The following SNTG1 variants were observed in gnomAD, a reference collection of about 807,000 sequenced individuals.
SNTG1 encodes the protein gamma-1-syntrophin.
SNTG1 carries 39 observed loss-of-function variants against 74.7 expected under a neutral mutation model. The ratio of observed to expected loss-of-function variants is 0.52; its 90% CI spans 0.40 to 0.68. The LOEUF (loss-of-function observed/expected upper bound fraction) is 0.68. Among genes scored for constraint, SNTG1 ranks in the 30% least tolerant of loss-of-function variants. The probability of loss-of-function intolerance (pLI) is 0.00; values close to 1 mark genes in which losing one functional copy is unlikely to be tolerated. For missense variants in SNTG1, 685 were observed against 609.5 expected (o/e 1.12, Z -1.30); for synonymous variants, 254 against 217.1 (o/e 1.17, Z -1.49).
At chr8:50,398,896 C>T (rs2092764723) in intron 3 of SNTG1, among the ~76,000 whole-genome samples, 1 of 152,168 alleles carries the variant, frequency 6.6e-6, no homozygotes, top group Non-Finnish European at 1.5e-5. Context: ...CTCCACTGCA[C>T]TCCAGCCTGG....
chr8:50,581,605 T>G (rs1489895713), intron 12 of SNTG1, among the ~76,000 whole-genome samples: 2 of 152,244 alleles, frequency 1.3e-5, no homozygotes, highest in South Asian at 4.2e-4. Context: ...CTAAAAAAAA[T>G]TAGAGATTAG....
intron 1 of SNTG1, among the ~76,000 whole-genome samples, chr8:50,157,038 C>T (rs540834263): frequency 6.6e-6 from 1 of 151,916 alleles, no homozygotes; most frequent in African/African-American, 2.4e-5. Context: ...AATAGATAAG[C>T]AAATGGTTTT....
chr8:50,310,216 T>C (rs1253111942), intron 2 of SNTG1, among the ~76,000 whole-genome samples: 1 of 152,218 alleles, frequency 6.6e-6, no homozygotes, highest in Non-Finnish European at 1.5e-5. Flanking sequence ...TCAAACTTGT[T>C]ACCTGGATTA....
Position 50,119,109 on chromosome 8 carries a change from C to T in SNTG1, c.-102-53452C>T, listed in dbSNP as rs924655093. Among the ~76,000 whole-genome samples the T allele has an allele frequency of 1.4e-5, 2 of 141,520 alleles. 1 individual carries two copies. The highest frequency in any genetic ancestry group is 3.1e-5 in the Non-Finnish European group (2 of 63,670). 92.8% of individuals were successfully genotyped at this position (141,520 alleles called of 152,430 possible). ...AAACAAACAAACAAACAAAACACCT[C>T]TGGAAGTAATTTTATGTTAACTATT... On this transcript the variant is annotated intron_variant, in intron 1 of 18. Coordinates refer to ENST00000642720, the MANE Select transcript of SNTG1 (RefSeq NM_018967.5).
At chr8:50,388,669 G>A (rs1446728955) in intron 2 of SNTG1, among the ~76,000 whole-genome samples, 1 of 152,142 alleles carries the variant, frequency 6.6e-6, no homozygotes, top group Non-Finnish European at 1.5e-5. Context: ...AGAAGCTGAT[G>A]ATGCAGTCTG....
chr8:50,571,638 C>T (rs2094549555), intron 12 of SNTG1, among the ~76,000 whole-genome samples: 1 of 152,186 alleles, frequency 6.6e-6, no homozygotes, highest in African/African-American at 2.4e-5. Flanking sequence ...AATATCTTCC[C>T]TAATCAATTG....
intron 2 of SNTG1, among the ~76,000 whole-genome samples, chr8:50,327,644 A>G (rs1271229348): frequency 6.6e-6 from 1 of 152,174 alleles, no homozygotes; most frequent in Non-Finnish European, 1.5e-5. Context: ...TGTTTAGACC[A>G]TTGACATTAT....
At chr8:50,346,926 A>C (rs1191895078) in intron 2 of SNTG1, among the ~76,000 whole-genome samples, 1 of 152,254 alleles carries the variant, frequency 6.6e-6, no homozygotes, top group Non-Finnish European at 1.5e-5. Flanking sequence ...GCTGGTCATG[A>C]GGTTTAAGGA....
At position 49,947,311 on chromosome 8, in the gene SNTG1, A is replaced by G. The variant is rs573404769; in HGVS notation, c.-103+35080A>G. ...GCAAAACTCCGTCTCAAAAAAAAAG[A>G]GTAATTTCTGTCCTCAATCCGTTTA... On this transcript the variant is annotated intron_variant, in intron 1 of 18. Transcript: ENST00000642720. Among the ~76,000 whole-genome samples the G allele has an allele frequency of 2.6e-5, 4 of 152,296 alleles. No homozygotes were observed. In the South Asian group the frequency reaches 8.3e-4, roughly 32 times the overall value.
intron 2 of SNTG1, among the ~76,000 whole-genome samples, chr8:50,299,824 G>A (rs1272419972): frequency 6.6e-6 from 1 of 152,018 alleles, no homozygotes; most frequent in Non-Finnish European, 1.5e-5. Context: ...GACAGAATAG[G>A]CCTATGGAGT....
chr8:50,725,755 C>T (rs907398454), intron 17 of SNTG1, among the ~76,000 whole-genome samples: 2 of 152,304 alleles, frequency 1.3e-5, no homozygotes, highest in African/African-American at 4.8e-5. Context: ...CCTTTAGCAC[C>T]TCATATCCAG....
intron 8 of SNTG1, chr8:50,458,148 A>G (rs1298338289): frequency 1.3e-5 from 2 of 152,064 alleles, no homozygotes; most frequent in East Asian, 1.9e-4. Context: ...ATACCAAAGG[A>G]TCATTAAGAT....
chr8:50,744,337 T>A (rs575727217), intron 17 of SNTG1, among the ~76,000 whole-genome samples: 1 of 152,004 alleles, frequency 6.6e-6, no homozygotes, highest in South Asian at 2.1e-4. Flanking sequence ...TTATTTACAA[T>A]AACATAAAGA....
At chr8:49,952,829 C>T (rs1809840881) in intron 1 of SNTG1, among the ~76,000 whole-genome samples, 1 of 152,072 alleles carries the variant, frequency 6.6e-6, no homozygotes, top group African/African-American at 2.4e-5. Context: ...AAGAAGAAAC[C>T]AAGGTGGACC....
At chr8:50,272,443 A>G (rs1281662380) in intron 2 of SNTG1, among the ~76,000 whole-genome samples, 1 of 152,220 alleles carries the variant, frequency 6.6e-6, no homozygotes, top group East Asian at 1.9e-4. Flanking sequence ...AGGTGTGCAC[A>G]GAACTTTGTG....
intron 1 of SNTG1, among the ~76,000 whole-genome samples, chr8:49,988,101 T>C (rs761639700): frequency 6.6e-5 from 10 of 152,052 alleles, no homozygotes; most frequent in Admixed American, 2.6e-4. Context: ...CACCAGAGAC[T>C]GTACATGGCA....
At chr8:50,424,641 G>A (rs1204134310) in intron 4 of SNTG1, among the ~76,000 whole-genome samples, 1 of 152,196 alleles carries the variant, frequency 6.6e-6, no homozygotes, top group African/African-American at 2.4e-5. Context: ...ATGGGAACAG[G>A]AGGATGTATG....
At chr8:50,486,203 G>C (rs1427802227) in intron 8 of SNTG1, among the ~76,000 whole-genome samples, 1 of 150,428 alleles carries the variant, frequency 6.6e-6, no homozygotes, top group Non-Finnish European at 1.5e-5. Flanking sequence ...TTGGTAGCTT[G>C]ATGGGGATGG....
At chr8:50,459,495 C>A (rs1181034011) in intron 8 of SNTG1, among the ~76,000 whole-genome samples, 1 of 151,658 alleles carries the variant, frequency 6.6e-6, no homozygotes, top group Non-Finnish European at 1.5e-5. Context: ...GAAATATACC[C>A]TTTTTATGCA....
Sources: gnomAD v4.1 joint callset for allele counts (sites outside exome capture counted in the v4.1 genomes callset) on GRCh38, gnomAD v4.1.1 for gene constraint, MANE v1.5 for transcripts, NCBI Gene and HGNC (gene_info 2026-07-23, HGNC 2026-07-21) for gene names.